Variants in RBFOX1 observed in about 807,000 individuals in gnomAD.
The protein encoded by RBFOX1 is RNA binding fox-1 homolog 1, also known as RNA binding protein fox-1 homolog 1.
A neutral mutation model predicts 57.7 loss-of-function variants in RBFOX1; 8 were observed. That is an observed-to-expected ratio of 0.14 (90% CI 0.08 to 0.25). The LOEUF (loss-of-function observed/expected upper bound fraction) is 0.25. RBFOX1 is among the 10% of genes least tolerant of loss of function. The pLI is 1.00. For missense variants in RBFOX1, 611 were observed against 548.5 expected, an observed-to-expected ratio of 1.11 and a Z score of -1.14; for synonymous variants, 326 against 222.4, an observed-to-expected ratio of 1.47 and a Z score of -4.15.
At chr16:6,967,751 G>C (rs938883910) in intron 3 of RBFOX1, among the ~76,000 whole-genome samples, 2 of 152,070 alleles carry the variant, frequency 1.3e-5, no homozygotes, top group African/African-American at 2.4e-5. Context: ...CCATCTGCCC[G>C]TGCAGCTGTG....
chr16:6,848,624 G>C (rs1377720756), intron 3 of RBFOX1, among the ~76,000 whole-genome samples: 2 of 152,080 alleles, frequency 1.3e-5, no homozygotes, highest in African/African-American at 4.8e-5. Context: ...TATGTGTGTA[G>C]AGAGAGATGA....
intron 3 of RBFOX1, among the ~76,000 whole-genome samples, chr16:6,916,355 G>C (rs970455215): frequency 2.6e-5 from 4 of 152,126 alleles, no homozygotes; most frequent in African/African-American, 7.2e-5. Context: ...TATGGCTAAT[G>C]CTGCTTTGGA....
chr16:6,974,366 A>G (rs1233594544), intron 3 of RBFOX1, among the ~76,000 whole-genome samples: 11 of 60,408 alleles, frequency 1.8e-4, no homozygotes, highest in Admixed American at 1.3e-3. Context: ...TTTTTTTGCG[A>G]TAGAGTCTTG....
At chr16:5,717,841 G>T (rs574257020) in intron 3 of RBFOX1, among the ~76,000 whole-genome samples, 2 of 152,330 alleles carry the variant, frequency 1.3e-5, no homozygotes, top group African/African-American at 4.8e-5. Flanking sequence ...ATGTCAGATA[G>T]ATAGGTATTT....
chr16:6,924,018 A>G (rs74389410), intron 3 of RBFOX1, among the ~76,000 whole-genome samples: 2,717 of 151,674 alleles, frequency 0.018, 80 homozygotes, highest in African/African-American at 0.061. Flanking sequence ...AAAAATACAA[A>G]CATTAGTCAG....
At chr16:7,181,334 C>G (rs2082660390) in intron 4 of RBFOX1, among the ~76,000 whole-genome samples, 1 of 152,116 alleles carries the variant, frequency 6.6e-6, no homozygotes, top group South Asian at 2.1e-4. Context: ...CCTTCTCTGC[C>G]CTCTCCAAAC....
At chr16:6,949,945 TG>T (rs1418687902) in intron 3 of RBFOX1, among the ~76,000 whole-genome samples, 38 of 145,098 alleles carry the variant, frequency 2.6e-4, no homozygotes, top group South Asian at 4.5e-4. Flanking sequence ...GTTTTTTTGT[TG>T]TTGTTGTTGT....
chr16:7,267,952 G>A (rs949815160), intron 4 of RBFOX1, among the ~76,000 whole-genome samples: 1 of 152,196 alleles, frequency 6.6e-6, no homozygotes, highest in Non-Finnish European at 1.5e-5. Context: ...GTACCGCTCT[G>A]AGAAACAAAT....
intron 3 of RBFOX1, among the ~76,000 whole-genome samples, chr16:6,910,216 G>C (rs1446295540): frequency 6.6e-6 from 1 of 151,986 alleles, no homozygotes; most frequent in Admixed American, 6.6e-5. Flanking sequence ...AATCCTAAGA[G>C]GAGTCTCATG....
chr16:5,519,398 G>A (rs908365983), intron 2 of RBFOX1, among the ~76,000 whole-genome samples: 1 of 152,168 alleles, frequency 6.6e-6, no homozygotes, highest in Non-Finnish European at 1.5e-5. Flanking sequence ...AATGTGGTAG[G>A]AGGCAGATAT....
At chr16:6,661,095 G>T (rs943543602) in intron 3 of RBFOX1, among the ~76,000 whole-genome samples, 1 of 152,186 alleles carries the variant, frequency 6.6e-6, no homozygotes, top group Non-Finnish European at 1.5e-5. Context: ...AGCTAAATGT[G>T]GCCATGTGGA....
At chr16:6,681,031 C>G (rs558179386) in intron 3 of RBFOX1, among the ~76,000 whole-genome samples, 1 of 152,268 alleles carries the variant, frequency 6.6e-6, no homozygotes, top group East Asian at 1.9e-4. Flanking sequence ...TCTGTTTAGG[C>G]TGGGCATGAT....
chr16:5,988,052 G>A (rs1335316595), intron 4 of RBFOX1, among the ~76,000 whole-genome samples: 1 of 152,140 alleles, frequency 6.6e-6, no homozygotes. Context: ...TTTGATTTTT[G>A]AGTGGCTGTC....
At chr16:6,637,137 A>T (rs1335759572) in intron 2 of RBFOX1, among the ~76,000 whole-genome samples, 3 of 93,998 alleles carry the variant, frequency 3.2e-5, no homozygotes, top group Admixed American at 1.8e-4. Context: ...ATTATATATT[A>T]AATATATAAT....
intron 1 of RBFOX1, among the ~76,000 whole-genome samples, chr16:6,232,864 A>C (rs919627760): frequency 6.6e-6 from 1 of 152,146 alleles, no homozygotes; most frequent in Non-Finnish European, 1.5e-5. Context: ...AGTAGACTCA[A>C]CTTCTGCACA....
chr16:5,492,090 C>T (rs183921183), intron 2 of RBFOX1, among the ~76,000 whole-genome samples: 573 of 152,248 alleles, frequency 3.8e-3, no homozygotes, highest in Middle Eastern at 6.8e-3. Context: ...CTGTCCTAGA[C>T]CTACTGAGTC....
intron 3 of RBFOX1, among the ~76,000 whole-genome samples, chr16:5,610,949 G>A (rs79097077): frequency 0.067 from 10,250 of 152,112 alleles, 1,175 homozygotes; most frequent in African/African-American, 0.23. Flanking sequence ...TCAAGTTGTG[G>A]GCTGTGGTTC....
chr16:7,516,292 C>G (rs1567619163), intron 4 of RBFOX1, among the ~76,000 whole-genome samples: 1 of 152,100 alleles, frequency 6.6e-6, no homozygotes, highest in Non-Finnish European at 1.5e-5. Context: ...CACTAACGGA[C>G]TCACTAGATA....
At chr16:5,661,065 C>T (rs1394528680) in intron 3 of RBFOX1, among the ~76,000 whole-genome samples, 1 of 152,168 alleles carries the variant, frequency 6.6e-6, no homozygotes, top group African/African-American at 2.4e-5. Context: ...TGCACCTGCT[C>T]ACTTCAGCCT....
Sources: gnomAD v4.1 joint callset for allele counts (sites outside exome capture counted in the v4.1 genomes callset) on GRCh38, gnomAD v4.1.1 for gene constraint, MANE v1.5 for transcripts, NCBI Gene and HGNC (gene_info 2026-07-23, HGNC 2026-07-21) for gene names.